Variants in TJP1 observed in about 807,000 individuals in gnomAD.
TJP1 encodes the protein tight junction protein 1, also known as tight junction protein ZO-1.
A neutral mutation model predicts 194.2 loss-of-function variants in TJP1; 43 were observed. The observed-to-expected ratio is 0.22, with a 90% CI of 0.17 to 0.29. TJP1 has a LOEUF of 0.29. Ranked by LOEUF, TJP1 falls within the 10% of genes least tolerant of loss-of-function variation. The pLI is 1.00. For missense variants in TJP1, 1,971 were observed against 2,185.7 expected (o/e 0.90, Z 1.96); for synonymous variants, 801 against 779.0 (o/e 1.03, Z -0.47).
intron 8 of TJP1, chr15:29,759,146 T>C (rs2151506674): frequency 6.6e-6 from 1 of 152,318 alleles, no homozygotes; most frequent in Middle Eastern, 3.4e-3. Flanking sequence ...CTCCCTCGCC[T>C]CTTCACCTTC....
Position 29,766,397 on chromosome 15 carries a change from T to G in TJP1, c.458A>C (p.Lys153Thr), listed in dbSNP as rs1214945962. The change falls in exon 5 of 28, where the codon AAG becomes ACG. Residue 153 changes from lysine (K) to threonine (T), a missense_variant. Around this residue, in one of 5 missense-constraint regions of TJP1, gnomAD observed 245 missense variants for 336.6 expected, o/e 0.73. Coordinates refer to ENST00000614355, the MANE Select transcript of TJP1 (RefSeq NM_001330239.4). The part of the protein sequence containing the change: ...RSGVVNRRSE[K>T]IWPRDRSASR... ...TGCACTTCTATCCCTCGGCCAAATC[T>G]TCTCACTCCTTCTGTTAACCACACC... 6.2e-7 allele frequency: 1 copy of G among 1,614,090 alleles called. No individual in the cohort carries two copies. The highest frequency in any genetic ancestry group is 1.3e-5 in the African/African-American group (1 of 74,934).
intron 2 of TJP1, among the ~76,000 whole-genome samples, chr15:29,839,142 G>C (rs1048181297): frequency 1.3e-5 from 2 of 151,508 alleles, no homozygotes; most frequent in Non-Finnish European, 2.9e-5. Context: ...GGGACTACAG[G>C]AGCCCACCAC....
chr15:29,733,384 T>C, intron 12 of TJP1, 71 bp from the exon 13 acceptor site: 1 of 1,033,442 alleles, frequency 9.7e-7, no homozygotes, highest in Admixed American at 2.3e-5. Flanking sequence ...GTACATTATG[T>C]AAAGATGCTA....
chr15:29,790,413 T>C (rs771647128), intron 2 of TJP1, among the ~76,000 whole-genome samples: 15 of 148,136 alleles, frequency 1.0e-4, no homozygotes, highest in Non-Finnish European at 8.9e-5. Flanking sequence ...TTAATTATTA[T>C]AGTAAACAGT....
At chr15:29,940,501 A>G (rs1280721990) in intron 2 of TJP1, among the ~76,000 whole-genome samples, 5 of 152,212 alleles carry the variant, frequency 3.3e-5, no homozygotes, top group African/African-American at 1.2e-4. Context: ...TTTCATTTAG[A>G]CTTTTGGGAA....
At chr15:29,962,495 T>A (rs1000343201) in intron 1 of TJP1, among the ~76,000 whole-genome samples, 29 of 152,288 alleles carry the variant, frequency 1.9e-4, no homozygotes, top group South Asian at 4.1e-4. Flanking sequence ...TAATAATCCT[T>A]CTACAAGATA....
chr15:29,733,186 G>T lies in TJP1; in HGVS notation c.1644C>A (p.Thr548=). The T allele has an allele frequency of 6.2e-7, 1 of 1,614,072 alleles. No homozygotes were observed. Among genetic ancestry groups the T allele is most frequent in the South Asian group, 1.1e-5 (1 of 91,070 alleles). The change falls in exon 13 of 28, where the codon ACC becomes ACA. Residue 548 remains threonine (T), a synonymous_variant. Coordinates refer to ENST00000614355, the MANE Select transcript of TJP1 (RefSeq NM_001330239.4). ...NKGEVFRVVD[T]LYNGKLGSWL... ...AAGAGCCCAGTTTTCCATTGTACAA[G>T]GTATCCACAACACGGAACACCTCTC... is the stretch of plus-strand genomic sequence containing the variant.
rs780920343 is a variant in TJP1 at position 29,773,373 on chromosome 15, C to G, written c.85-16G>C. 3.1e-6 allele frequency: 5 copies of G among 1,612,052 alleles called. No homozygotes were observed. In the African/African-American group the frequency reaches 5.3e-5, roughly 17 times the overall value. ...ATCCAGGAGCCTAAAGTAAAAATTA[C>G]AGTAAAATATTGCTATTAAGGACAA... On this transcript the variant is annotated splice_polypyrimidine_tract_variant and intron_variant, in intron 2 of 27. Coordinates refer to ENST00000614355, the MANE Select transcript of TJP1 (RefSeq NM_001330239.4).
intron 23 of TJP1, among the ~76,000 whole-genome samples, chr15:29,712,778 G>A (rs2042318301): frequency 6.6e-6 from 1 of 150,474 alleles, no homozygotes; most frequent in Non-Finnish European, 1.5e-5. Flanking sequence ...TAATTAGCAG[G>A]TTCTGAATAA....
rs2055429613 is a variant in TJP1, at chr15:29,949,266, C to CCACCTCCAT, written c.306+6957_306+6965dup. The stretch of plus-strand genomic sequence containing the variant: ...ACCTTCACCACCACCTCCACCACCA[C>CCACCTCCAT]CACCTCCATCACCTCCACCGCCATC... On this transcript the variant is annotated intron_variant, in intron 2 of 28. Coordinates refer to the TJP1 transcript ENST00000356107. Among the ~76,000 whole-genome samples the CCACCTCCAT allele has an allele frequency of 8.8e-5, 8 of 91,310 alleles. 1 individual carries two copies. Among genetic ancestry groups the CCACCTCCAT allele is most frequent in the East Asian group, 4.6e-4 (1 of 2,178 alleles). 59.9% of individuals were successfully genotyped at this position (91,310 alleles called of 152,430 possible). A position where few individuals can be genotyped will look rare whatever the true frequency, so the allele number is the denominator to read the frequency against.
intron 8 of TJP1, among the ~76,000 whole-genome samples, chr15:29,750,245 A>C (rs2045172418): frequency 6.6e-6 from 1 of 151,864 alleles, no homozygotes; most frequent in South Asian, 2.1e-4. Flanking sequence ...CCTCATGATC[A>C]GCCCGCCTCA....
chr15:29,760,142 C>T, intron 8 of TJP1: 2 of 689,882 alleles, frequency 2.9e-6, no homozygotes, highest in South Asian at 3.1e-5. Flanking sequence ...ACTCATGTTT[C>T]AAGTGATCTT....
At chr15:29,958,585 AAACTCT>A (rs939419316) in intron 1 of TJP1, among the ~76,000 whole-genome samples, 15 of 152,296 alleles carry the variant, frequency 9.8e-5, no homozygotes, top group African/African-American at 3.1e-4. Flanking sequence ...CTTATTAGGG[AAACTCT>A]AACTCTAGTT....
chr15:29,742,725 A>G lies in TJP1; in HGVS notation c.1067T>C (p.Val356Ala), dbSNP rs772786545. ...ISKPGAVSTP[V>A]KHADDHTPKT... ...AGGTGTGTGATCATCAGCATGCTTT[A>G]CAGGAGTTGAGACAGCCCCAGGTTT... Residue 356 changes from valine (V) to alanine (A), a missense_variant, in exon 9 of 28, where the codon GTA (valine) becomes GCA (alanine). Transcript: ENST00000614355. The G allele has an allele frequency of 6.2e-7, 1 of 1,608,516 alleles. No individual in the cohort carries two copies. The highest frequency in any genetic ancestry group is 2.2e-5 in the East Asian group (1 of 44,542).
intron 8 of TJP1, among the ~76,000 whole-genome samples, chr15:29,757,923 T>A (rs983046361): frequency 1.3e-5 from 2 of 152,158 alleles, no homozygotes; most frequent in Non-Finnish European, 2.9e-5. Context: ...ACCTCTCCTA[T>A]TCCTCAGACG....
intron 4 of TJP1, among the ~76,000 whole-genome samples, chr15:29,767,845 T>C (rs1021747857): frequency 6.6e-6 from 1 of 152,172 alleles, no homozygotes; most frequent in Non-Finnish European, 1.5e-5. Context: ...CAAGGCAATC[T>C]TCTCCCTGGA....
At chr15:29,851,225 A>C (rs562853712) in intron 2 of TJP1, among the ~76,000 whole-genome samples, 1 of 152,156 alleles carries the variant, frequency 6.6e-6, no homozygotes, top group East Asian at 1.9e-4. Context: ...AAAATTGATA[A>C]ACCTCTAGCA....
chr15:29,935,430 C>T (rs370792386), intron 2 of TJP1, among the ~76,000 whole-genome samples: 1 of 152,154 alleles, frequency 6.6e-6, no homozygotes, highest in African/African-American at 2.4e-5. Flanking sequence ...GTGCTGGTAG[C>T]TTTAGAAATG....
intron 1 of TJP1, among the ~76,000 whole-genome samples, chr15:29,959,050 C>G (rs12442809): frequency 6.6e-6 from 1 of 150,694 alleles, no homozygotes; most frequent in Non-Finnish European, 1.5e-5. Flanking sequence ...AGTGCAGCGG[C>G]GCGATCTCAC....
Sources: gnomAD v4.1 joint callset for allele counts (sites outside exome capture counted in the v4.1 genomes callset) on GRCh38, gnomAD v4.1.1 for gene constraint, gnomAD v4.1.1 regional missense constraint, MANE v1.5 for transcripts, NCBI Gene and HGNC (gene_info 2026-07-23, HGNC 2026-07-21) for gene names.